Variants in WDR5 observed in about 807,000 individuals in gnomAD.
WDR5 encodes the protein WD repeat-containing protein 5.
For synonymous variants in WDR5, 144 were observed against 161.6 expected (o/e 0.89, Z 0.83); for missense variants, 187 against 416.9 (o/e 0.45, Z 4.80).
intron 7 of WDR5, among the ~76,000 whole-genome samples, chr9:134,145,363 T>C (rs1341021305): frequency 6.6e-6 from 1 of 152,166 alleles, no homozygotes; most frequent in Non-Finnish European, 1.5e-5. Context: ...CCTCCCAAAG[T>C]GCTGGGATTA....
rs747233157 is a variant in WDR5, at chr9:134,157,242, C to T, written c.904+649C>T. Among the ~76,000 whole-genome samples the T allele has an allele frequency of 3.3e-5, 5 of 152,134 alleles. No homozygotes were observed. Among genetic ancestry groups the T allele is most frequent in the Non-Finnish European group, 4.4e-5 (3 of 68,010 alleles). On this transcript the variant is annotated intron_variant, in intron 13 of 13. Coordinates refer to ENST00000358625, the MANE Select transcript of WDR5 (RefSeq NM_017588.3). The surrounding 1 kb of genome is among the most constrained non-coding windows in gnomAD (Gnocchi z 5.0). ...TCACCCAGCCTGGGGTCAGTGCTTA[C>T]GCTCCACGGCGGGCCTGGGCCTTCC...
intron 9 of WDR5, among the ~76,000 whole-genome samples, chr9:134,153,160 G>A (rs1038425156): frequency 2.0e-5 from 3 of 152,170 alleles, no homozygotes; most frequent in African/African-American, 7.2e-5. Flanking sequence ...GGCCACCTGT[G>A]CTCAGTTGTG....
At chr9:134,137,057 A>G (rs1228455140) in intron 1 of WDR5, among the ~76,000 whole-genome samples, 1 of 152,138 alleles carries the variant, frequency 6.6e-6, no homozygotes, top group African/African-American at 2.4e-5. Flanking sequence ...GATGCAGATT[A>G]ATTCCTGTCT....
chr9:134,154,126 C>T (rs1832632847), intron 9 of WDR5, among the ~76,000 whole-genome samples: 1 of 152,126 alleles, frequency 6.6e-6, no homozygotes, highest in African/African-American at 2.4e-5. Flanking sequence ...TGGAGTTGTC[C>T]CTCTGTTGAG....
rs929086706 is a variant in WDR5 at position 134,143,663 on chromosome 9, G to C, written c.528+944G>C. On this transcript the variant is annotated intron_variant, in intron 7 of 13. Coordinates refer to ENST00000358625, the MANE Select transcript of WDR5 (RefSeq NM_017588.3). ...TGCCTCAGCCTCTCCGAGTAGTTGA[G>C]ACTACAGGCGCCCACCACCATGCCT... Among the ~76,000 whole-genome samples, 19 of 151,942 alleles carry C rather than the reference G, an allele frequency of 1.3e-4. No homozygotes were observed. In the East Asian group the frequency reaches 3.5e-3, roughly 28 times the overall value.
intron 10 of WDR5, 57 bp from the exon 11 acceptor site, chr9:134,155,283 G>C: frequency 1.3e-6 from 2 of 1,512,052 alleles, no homozygotes; most frequent in South Asian, 1.3e-5. Context: ...AGAGTTGGGT[G>C]TGGGGACAGA....
At chr9:134,149,024 G>A (rs1373303687) in intron 8 of WDR5, among the ~76,000 whole-genome samples, 1 of 152,148 alleles carries the variant, frequency 6.6e-6, no homozygotes, top group Non-Finnish European at 1.5e-5. Context: ...TCACTGGGGA[G>A]GAGGAGGACG....
chr9:134,138,579 C>T (rs760942098), intron 1 of WDR5, among the ~76,000 whole-genome samples: 4 of 152,196 alleles, frequency 2.6e-5, no homozygotes, highest in Non-Finnish European at 5.9e-5. Context: ...CCCCTCCTCT[C>T]CCCCTCTCTT....
At chr9:134,153,061 G>T (rs570469556) in intron 9 of WDR5, among the ~76,000 whole-genome samples, 11 of 152,200 alleles carry the variant, frequency 7.2e-5, no homozygotes, top group Non-Finnish European at 1.2e-4. Flanking sequence ...TGCCACAGCG[G>T]TCTTTATAGC....
intron 1 of WDR5, among the ~76,000 whole-genome samples, chr9:134,139,443 C>T (rs1302244269): frequency 1.3e-5 from 2 of 152,178 alleles, no homozygotes; most frequent in African/African-American, 4.8e-5. Flanking sequence ...TGTCATTTGG[C>T]GTGTTAGCTT....
rs2132578643 is a variant in WDR5 at position 134,153,779 on chromosome 9, G to A, written c.632-687G>A. On this transcript the variant is annotated intron_variant, in intron 9 of 13. Transcript: ENST00000358625. The stretch of plus-strand genomic sequence containing the variant: ...GGTCTCTGGTGGGGCCCAGGGGTGG[G>A]GCCTGCACCAGGACACACCTTCCTT... Among the ~76,000 whole-genome samples the A allele has an allele frequency of 2.0e-5, 3 of 152,236 alleles. No homozygotes were observed. The South Asian group carries it at 6.2e-4, about 32-fold the overall frequency.
chr9:134,138,582 C>T (rs1440094966), intron 1 of WDR5, among the ~76,000 whole-genome samples: 1 of 152,184 alleles, frequency 6.6e-6, no homozygotes, highest in Non-Finnish European at 1.5e-5. Context: ...CTCCTCTCCC[C>T]CTCTCTTGTA....
In WDR5 at chr9:134,141,964, G is replaced by T. The variant is rs1588169690; in HGVS notation, c.280G>T (p.Ala94Ser). 1 of 1,614,062 alleles carries T rather than the reference G, an allele frequency of 6.2e-7. No homozygotes were observed. The change falls in exon 5 of 14, where the codon GCC (alanine) becomes TCC (serine). Residue 94 changes from alanine to serine, a missense_variant. Ala to Ser is a moderately conservative substitution (Grantham distance 99, BLOSUM62 1). Transcript: ENST00000358625. The part of the protein sequence containing the change: ...SGHKLGISDV[A>S]WSSDSNLLVS... ...TCTCCCCAAGGGAATATCCGATGTA[G>T]CCTGGTCGTCAGATTCTAACCTTCT...
intron 7 of WDR5, among the ~76,000 whole-genome samples, chr9:134,146,178 G>A (rs781464063): frequency 1.9e-4 from 29 of 150,422 alleles, no homozygotes; most frequent in Admixed American, 8.6e-4. Flanking sequence ...CGTGTTAGCC[G>A]GGATGGTCTC....
intron 8 of WDR5, among the ~76,000 whole-genome samples, chr9:134,149,989 C>G (rs1158335657): frequency 6.6e-6 from 1 of 152,192 alleles, no homozygotes; most frequent in South Asian, 2.1e-4. Flanking sequence ...AAGAACATGT[C>G]CCCTGTGACT....
Position 134,142,321 on chromosome 9 carries a change from ACT to A in WDR5, c.355-9_355-8del, listed in dbSNP as rs370901064. On this transcript the variant is annotated splice_polypyrimidine_tract_variant and intron_variant, in intron 5 of 13. Coordinates refer to ENST00000358625, the MANE Select transcript of WDR5 (RefSeq NM_017588.3). ...TAAGCACTGGAATAATCCTAATAAT[ACT>A]CTGTTATAGGGCAAGTGTCTGAAAA... 4.7e-5 allele frequency: 76 copies of A among 1,611,142 alleles called. No individual in the cohort carries two copies. The African/African-American group carries it at 6.3e-4, about 13-fold the overall frequency.
At chr9:134,153,511 G>GC (rs1197984804) in intron 9 of WDR5, among the ~76,000 whole-genome samples, 1 of 152,228 alleles carries the variant, frequency 6.6e-6, no homozygotes, top group Non-Finnish European at 1.5e-5. Context: ...AGGGAGCCCG[G>GC]CCCCCCGGCC....
chr9:134,153,135 G>C (rs1832577561), intron 9 of WDR5, among the ~76,000 whole-genome samples: 2 of 152,148 alleles, frequency 1.3e-5, no homozygotes, highest in Admixed American at 1.3e-4. Flanking sequence ...CACCGCACTT[G>C]GTGTCCCCTG....
At chr9:134,136,993 T>C (rs371903893) in intron 1 of WDR5, among the ~76,000 whole-genome samples, 38 of 152,168 alleles carry the variant, frequency 2.5e-4, no homozygotes, top group African/African-American at 7.5e-4. Context: ...GGATCTCAGA[T>C]AGGGAGAGCC....
Sources: allele counts gnomAD v4.1 joint callset (sites outside exome capture counted in the v4.1 genomes callset), GRCh38; gene constraint gnomAD v4.1.1; non-coding constraint Gnocchi (gnomAD v3.1); transcripts MANE v1.5; gene names NCBI Gene and HGNC (gene_info 2026-07-23, HGNC 2026-07-21).